The following NUMB variants were observed in gnomAD, a reference collection of about 807,000 sequenced individuals.
NUMB encodes protein numb homolog.
NUMB carries 29 observed loss-of-function variants against 59.7 expected under a neutral mutation model. The observed-to-expected ratio is 0.49, with a 90% confidence interval of 0.36 to 0.66. NUMB has a LOEUF of 0.66. Ranked by LOEUF, NUMB falls within the 30% of genes least tolerant of loss-of-function variation. The pLI is 0.00. For synonymous variants in NUMB, 288 were observed against 288.2 expected (o/e 1.00, Z 0.01); for missense variants, 723 against 822.0 (o/e 0.88, Z 1.47).
intron 1 of NUMB, among the ~76,000 whole-genome samples, chr14:73,426,792 A>G (rs914630574): frequency 6.6e-6 from 1 of 152,036 alleles, no homozygotes; most frequent in Admixed American, 6.6e-5. Context: ...GGTTGCAGTG[A>G]GCCAAGATGG....
intron 7 of NUMB, among the ~76,000 whole-genome samples, chr14:73,295,811 G>C (rs1889737353): frequency 6.6e-6 from 1 of 151,886 alleles, no homozygotes; most frequent in African/African-American, 2.4e-5. Flanking sequence ...ATGCTTTCTA[G>C]GGGTAGAGCT....
rs1410306144 is a variant in NUMB at position 73,398,433 on chromosome 14, T to A, written c.-101+11504A>T. ...GAGAGAGAGTGTGTGTGTGTGTGTG[T>A]GTGTGTGTGTGTGTGTGTGTTTAAA... On this transcript the variant is annotated intron_variant, in intron 2 of 12. Coordinates refer to ENST00000555238, the MANE Select transcript of NUMB (RefSeq NM_001005743.2). 6.2e-4 allele frequency among the ~76,000 whole-genome samples: 94 copies of A among 151,798 alleles called. 1 individual carries two copies. The highest frequency in any genetic ancestry group is 8.9e-4 in the African/African-American group (37 of 41,406).
intron 4 of NUMB, among the ~76,000 whole-genome samples, chr14:73,334,748 C>T (rs10141211): frequency 0.8 from 121,583 of 151,966 alleles, 49,189 homozygotes; most frequent in African/African-American, 0.92. Flanking sequence ...AGTTCGAGAC[C>T]AACCTGGCCA....
chr14:73,435,721 A>G (rs1486644121), intron 1 of NUMB, among the ~76,000 whole-genome samples: 2 of 151,688 alleles, frequency 1.3e-5, no homozygotes, highest in Non-Finnish European at 2.9e-5. Flanking sequence ...AAAAACTAAA[A>G]ATGATCTGGG....
Position 73,351,517 on chromosome 14 carries a change from A to G in NUMB, c.126+4109T>C, listed in dbSNP as rs142814383. Among the ~76,000 whole-genome samples the G allele has an allele frequency of 6.6e-3, 1,010 of 152,030 alleles. 6 individuals carry two copies. Among genetic ancestry groups the G allele is most frequent in the Non-Finnish European group, 0.011 (753 of 67,920 alleles). On this transcript the variant is annotated intron_variant, in intron 4 of 12. Coordinates refer to ENST00000555238, the MANE Select transcript of NUMB (RefSeq NM_001005743.2). ...TAAATAAATTAATTAATTAAATTAA[A>G]TAAGTAAGATACTTAACACAAAAAA... is the stretch of plus-strand genomic sequence containing the variant.
At chr14:73,352,516 ATATATATATATATGT>A (rs1893432164) in intron 4 of NUMB, among the ~76,000 whole-genome samples, 2 of 12,682 alleles carry the variant, frequency 1.6e-4, no homozygotes, top group African/African-American at 3.4e-4. Context: ...ATATATATAT[ATATATATATATATGT>A]TTTTTTTTTT....
chr14:73,298,641 T>C (rs991888591), intron 6 of NUMB: 4 of 152,178 alleles, frequency 2.6e-5, no homozygotes, highest in Non-Finnish European at 4.4e-5. Flanking sequence ...ATAAAAAGTA[T>C]AGATCAAAAG....
intron 4 of NUMB, among the ~76,000 whole-genome samples, chr14:73,342,625 A>G (rs1892694651): frequency 6.6e-6 from 1 of 152,244 alleles, no homozygotes; most frequent in East Asian, 1.9e-4. Context: ...TAAAAATTCA[A>G]TGAAGGAAAA....
chr14:73,289,579 AC>A (rs1404032512), intron 8 of NUMB, among the ~76,000 whole-genome samples: 4 of 152,194 alleles, frequency 2.6e-5, no homozygotes, highest in African/African-American at 9.7e-5. Flanking sequence ...ATTTTGCATG[AC>A]AGTATTAGTT....
intron 4 of NUMB, among the ~76,000 whole-genome samples, chr14:73,343,297 T>C (rs752852047): frequency 3.4e-4 from 51 of 151,714 alleles, no homozygotes; most frequent in Middle Eastern, 6.8e-3. Flanking sequence ...GAAGCAAGAG[T>C]AGTAGAGTTC....
chr14:73,350,985 T>C (rs1274858610), intron 4 of NUMB, among the ~76,000 whole-genome samples: 1 of 152,210 alleles, frequency 6.6e-6, no homozygotes, highest in Non-Finnish European at 1.5e-5. Context: ...CAAACTACAC[T>C]GCAGCCAAAG....
At chr14:73,449,699 G>GTGTT (rs113061285) in intron 1 of NUMB, among the ~76,000 whole-genome samples, 121,482 of 151,670 alleles carry the variant, frequency 0.8, 49,202 homozygotes, top group African/African-American at 0.92. Flanking sequence ...TAATGTTTTG[G>GTGTT]TGTTTGTTTT....
intron 6 of NUMB, among the ~76,000 whole-genome samples, chr14:73,313,574 T>G (rs1218872376): frequency 1.3e-5 from 2 of 148,488 alleles, no homozygotes; most frequent in Non-Finnish European, 3.0e-5. Flanking sequence ...GCTATATGTA[T>G]AAGGCATATA....
chr14:73,390,692 CA>C (rs1207249786), intron 2 of NUMB, among the ~76,000 whole-genome samples: 1 of 124,708 alleles, frequency 8.0e-6, no homozygotes, highest in Non-Finnish European at 1.6e-5. Flanking sequence ...CTCTGTCGCC[CA>C]GGCTGGAGTG....
At chr14:73,376,416 T>A (rs1280170049) in intron 2 of NUMB, among the ~76,000 whole-genome samples, 1 of 152,030 alleles carries the variant, frequency 6.6e-6, no homozygotes, top group African/African-American at 2.4e-5. Flanking sequence ...AGACATTCCA[T>A]GTTCATGAAT....
In NUMB at chr14:73,348,942, TA is replaced by T. The variant is rs536374212; in HGVS notation, c.126+6683del. ...TGTGAATGAAGTGTTAAAAAAATTA[TA>T]AATAGGATATATGCTCACAAGAAAT... On this transcript the variant is annotated intron_variant, in intron 4 of 12. Coordinates refer to ENST00000555238, the MANE Select transcript of NUMB (RefSeq NM_001005743.2). Among the ~76,000 whole-genome samples, 83 of 152,360 alleles carry T rather than the reference TA, an allele frequency of 5.4e-4. 2 individuals carry two copies. The South Asian group carries it at 0.017, about 31-fold the overall frequency.
chr14:73,402,675 G>A (rs991662935), intron 2 of NUMB, among the ~76,000 whole-genome samples: 9 of 152,092 alleles, frequency 5.9e-5, no homozygotes, highest in African/African-American at 1.2e-4. Context: ...CACACTTCAC[G>A]ACTGCCTTGA....
At chr14:73,399,149 C>T (rs114062409) in intron 2 of NUMB, among the ~76,000 whole-genome samples, 3,366 of 152,152 alleles carry the variant, frequency 0.022, 128 homozygotes, top group African/African-American at 0.075. Context: ...TACCATTATA[C>T]GGATTAAAAA....
intron 12 of NUMB, among the ~76,000 whole-genome samples, chr14:73,278,105 A>G (rs1888324108): frequency 6.6e-6 from 1 of 151,608 alleles, no homozygotes; most frequent in Admixed American, 6.6e-5. Context: ...GCCCAAGGCA[A>G]TTCATCTTCT....
Sources: gnomAD v4.1 joint callset for allele counts (sites outside exome capture counted in the v4.1 genomes callset) on GRCh38, gnomAD v4.1.1 for gene constraint, MANE v1.5 for transcripts, NCBI Gene and HGNC (gene_info 2026-07-23, HGNC 2026-07-21) for gene names.